The following SCP2 variants were observed in gnomAD, a reference collection of about 807,000 sequenced individuals.
SCP2 encodes SCP-2/3-oxoacyl-CoA thiolase.
A neutral mutation model predicts 71.4 loss-of-function variants in SCP2; 48 were observed. That is an observed-to-expected ratio of 0.67 (90% CI 0.53 to 0.86). The LOEUF is 0.86. Among genes scored for constraint, SCP2 ranks in the 40% least tolerant of loss-of-function variants. The pLI, the probability that SCP2 is intolerant of heterozygous loss-of-function variation, is 0.00. For synonymous variants in SCP2, 220 were observed against 218.1 expected (o/e 1.01, Z -0.08); for missense variants, 560 against 655.6 (o/e 0.85, Z 1.59).
At chr1:52,966,198 G>C (rs964485026) in intron 6 of SCP2, among the ~76,000 whole-genome samples, 109 of 152,000 alleles carry the variant, frequency 7.2e-4, no homozygotes, top group African/African-American at 2.5e-3. Flanking sequence ...TCCTTGTCCT[G>C]TTCCTGATCT....
chr1:53,018,383 T>G (rs1661488612), intron 12 of SCP2, among the ~76,000 whole-genome samples: 1 of 152,204 alleles, frequency 6.6e-6, no homozygotes, highest in African/African-American at 2.4e-5. Flanking sequence ...TCCCTAAATA[T>G]TTCAGTGTGT....
intron 2 of SCP2, chr1:52,943,646 CT>C: frequency 2.3e-6 from 1 of 432,318 alleles, no homozygotes; most frequent in Non-Finnish European, 4.6e-6. Context: ...ATAGGCCTCA[CT>C]TACTTCTTGC....
In SCP2 at chr1:52,946,074, G is replaced by A. The variant is rs571539310; in HGVS notation, c.128-1935G>A. Among the ~76,000 whole-genome samples, 4 of 150,906 alleles carry A rather than the reference G, an allele frequency of 2.7e-5. No individual in the cohort carries two copies. The East Asian group carries it at 5.9e-4, about 22-fold the overall frequency. ...CTCCCAAGTAGCTGGGACCACAGAC[G>A]CACACCACCACGCCCCCCTAATTTT... On this transcript the variant is annotated intron_variant, in intron 2 of 15. Transcript: ENST00000371514.
At chr1:52,933,446 A>G (rs893054665) in intron 1 of SCP2, among the ~76,000 whole-genome samples, 1 of 152,174 alleles carries the variant, frequency 6.6e-6, no homozygotes, top group Non-Finnish European at 1.5e-5. Context: ...AATTAAGAAA[A>G]AAAACCCCAT....
intron 6 of SCP2, among the ~76,000 whole-genome samples, chr1:52,966,107 G>A (rs950700673): frequency 5.9e-5 from 9 of 152,130 alleles, no homozygotes; most frequent in African/African-American, 2.2e-4. Context: ...TTTTCTCATT[G>A]TAATATTTGA....
intron 12 of SCP2, among the ~76,000 whole-genome samples, chr1:53,018,746 A>G (rs1661515315): frequency 6.6e-6 from 1 of 152,036 alleles, no homozygotes; most frequent in Admixed American, 6.6e-5. Flanking sequence ...GTTTCAAAAA[A>G]AAAAAAAGAA....
chr1:53,031,061 A>G (rs1662514650), intron 13 of SCP2, among the ~76,000 whole-genome samples: 1 of 152,132 alleles, frequency 6.6e-6, no homozygotes, highest in South Asian at 2.1e-4. Flanking sequence ...AAATGCTGCC[A>G]ATATATTCCT....
chr1:52,952,793 G>A (rs1226241119), intron 4 of SCP2, among the ~76,000 whole-genome samples: 3 of 151,992 alleles, frequency 2.0e-5, no homozygotes, highest in Admixed American at 6.6e-5. Context: ...CGGGGAGGGC[G>A]TAGATAATGC....
chr1:52,930,319 T>TAA (rs35991712), intron 1 of SCP2, among the ~76,000 whole-genome samples: 94 of 148,124 alleles, frequency 6.3e-4, no homozygotes, highest in South Asian at 2.8e-3. Context: ...AAGTATATCT[T>TAA]AAAAAAAAAA....
chr1:52,994,124 T>C (rs1408161165), intron 11 of SCP2: 1 of 1,060,622 alleles, frequency 9.4e-7, no homozygotes, highest in African/African-American at 1.7e-5. Context: ...CTAAACTGTT[T>C]TCTTTATTCC....
At chr1:53,047,074 G>A (rs1265502794) in intron 14 of SCP2, among the ~76,000 whole-genome samples, 2 of 152,212 alleles carry the variant, frequency 1.3e-5, no homozygotes, top group African/African-American at 2.4e-5. Context: ...GTTCATTCAG[G>A]TTGCTGGCAG....
intron 6 of SCP2, among the ~76,000 whole-genome samples, chr1:52,974,309 G>GAT (rs1427763038): frequency 6.6e-6 from 1 of 151,960 alleles, no homozygotes; most frequent in Non-Finnish European, 1.5e-5. Context: ...TTCTTATCAG[G>GAT]ATATAACTCT....
At chr1:52,982,759 A>G (rs12568646) in intron 10 of SCP2, among the ~76,000 whole-genome samples, 19,629 of 152,086 alleles carry the variant, frequency 0.13, 1,668 homozygotes, top group East Asian at 0.31. Context: ...TATAATTGTC[A>G]TATGTGTTAT....
chr1:52,929,536 C>T (rs562136609), intron 1 of SCP2, among the ~76,000 whole-genome samples: 3 of 152,242 alleles, frequency 2.0e-5, no homozygotes, highest in Admixed American at 2.0e-4. Context: ...ACCTCTGCCT[C>T]CCAGGTTCAA....
chr1:52,946,444 G>A (rs1221335828), intron 2 of SCP2, among the ~76,000 whole-genome samples: 2 of 151,868 alleles, frequency 1.3e-5, no homozygotes, highest in Admixed American at 1.3e-4. Context: ...CAAAACTCCT[G>A]GGCTCAAGTG....
chr1:52,988,094 A>G lies in SCP2; in HGVS notation c.1039A>G (p.Ser347Gly). The G allele has an allele frequency of 6.2e-7, 1 of 1,605,182 alleles. No homozygotes were observed. The highest frequency in any genetic ancestry group is 8.5e-7 in the Non-Finnish European group (1 of 1,172,096). Reference protein sequence around the residue: ...TYGGKWVINPSGGLISKGHPL... With the variant: ...TYGGKWVINPGGGLISKGHPL... The stretch of plus-strand genomic sequence containing the variant: ...TGGAGGAAAGTGGGTCATAAATCCT[A>G]GTGGTGGACTGATTTCAAAGGGACA... Residue 347 changes from serine to glycine, a missense_variant, in exon 11 of 16, where the codon AGT (serine) becomes GGT (glycine). This residue lies in a region of SCP2 where 513 missense variants were observed against 573.1 expected (regional missense o/e 0.90). Coordinates refer to ENST00000371514, the MANE Select transcript of SCP2 (RefSeq NM_002979.5).
chr1:52,987,973 A>G, intron 10 of SCP2, 56 bp from the exon 11 acceptor site: 1 of 911,714 alleles, frequency 1.1e-6, no homozygotes, highest in Non-Finnish European at 1.8e-6. Flanking sequence ...ATAAAAGCAT[A>G]TCATTTGTTC....
chr1:52,953,622 AG>A lies in SCP2; in HGVS notation c.332-1116del, dbSNP rs372753436. 9.9e-5 allele frequency among the ~76,000 whole-genome samples: 15 copies of A among 152,250 alleles called. No individual in the cohort carries two copies. The East Asian group carries it at 2.9e-3, about 29-fold the overall frequency. On this transcript the variant is annotated intron_variant, in intron 4 of 15. Coordinates refer to ENST00000371514, the MANE Select transcript of SCP2 (RefSeq NM_002979.5). ...TGGCCTCCCAAAGCTTTGAGATTAC[AG>A]GTGTGATTCACCGCACCTGGCCCGA...
At chr1:52,965,813 T>G (rs1346683729) in intron 6 of SCP2, among the ~76,000 whole-genome samples, 2 of 151,546 alleles carry the variant, frequency 1.3e-5, no homozygotes, top group East Asian at 1.9e-4. Context: ...TTTTGTAGTT[T>G]TTTTTTTTTT....
Sources: allele counts gnomAD v4.1 joint callset (sites outside exome capture counted in the v4.1 genomes callset), GRCh38; gene constraint gnomAD v4.1.1; regional missense constraint gnomAD v4.1.1; transcripts MANE v1.5; gene names NCBI Gene and HGNC (gene_info 2026-07-23, HGNC 2026-07-21).